RUVBL1: variants seen among roughly 807,000 people sequenced by gnomAD.
RUVBL1 encodes the protein ruvB-like 1.
RUVBL1 carries 4 observed loss-of-function variants against 52.4 expected under a neutral mutation model. The ratio of observed to expected loss-of-function variants is 0.08; its 90% CI spans 0.04 to 0.17. The LOEUF (loss-of-function observed/expected upper bound fraction) is 0.17, where lower values mean the gene tolerates loss of function less well. Ranked by LOEUF, RUVBL1 falls within the 10% of genes least tolerant of loss-of-function variation. RUVBL1 has a pLI of 1.00. For missense variants in RUVBL1, 298 were observed against 572.8 expected (o/e 0.52, Z 4.90); for synonymous variants, 217 against 214.4 (o/e 1.01, Z -0.10).
Position 128,067,555 on chromosome 3 carries a change from C to G in RUVBL1, c.940-2335G>C, listed in dbSNP as rs141554195. ...TTGTATACATAGTGTTCATGCTGGGCTCCTGTGCATTCTTCTCCAAAACGT... is the reference window on the plus strand; with the variant it reads ...TTGTATACATAGTGTTCATGCTGGGGTCCTGTGCATTCTTCTCCAAAACGT... On this transcript the variant is annotated intron_variant, in intron 9 of 9. Coordinates refer to the RUVBL1 transcript ENST00000464873. This position sits in a 1 kb window ranked among gnomAD's most constrained non-coding sequence, Gnocchi z 4.1. The G allele has an allele frequency of 4.2e-5, 67 of 1,613,658 alleles. No homozygotes were observed. The African/African-American group carries it at 8.0e-4, about 19-fold the overall frequency.
chr3:128,119,532 T>C (rs1943597073), intron 1 of RUVBL1, 118 bp from the exon 2 acceptor site: 1 of 729,364 alleles, frequency 1.4e-6, no homozygotes, highest in Non-Finnish European at 2.2e-6. Context: ...TGAGTGCCAG[T>C]GCACTGCAGT....
chr3:128,105,081 T>C (rs1371730843), intron 3 of RUVBL1, among the ~76,000 whole-genome samples, 157 bp from the exon 4 acceptor site: 1 of 151,628 alleles, frequency 6.6e-6, no homozygotes, highest in Non-Finnish European at 1.5e-5. Context: ...AACATATCAA[T>C]GTAAATTAGA....
At chr3:128,087,638 T>G in intron 9 of RUVBL1, 68 bp downstream of exon 9, 4 of 1,297,394 alleles carry the variant, frequency 3.1e-6, no homozygotes, top group Non-Finnish European at 4.4e-6. Context: ...GATACCTTTC[T>G]GCACAGCCAC....
chr3:128,070,646 C>T (rs1364958193), intron 9 of RUVBL1: 2 of 152,276 alleles, frequency 1.3e-5, no homozygotes, highest in Admixed American at 6.5e-5. Context: ...GAGCAGACAC[C>T]ACCGACTTCC....
At chr3:128,068,115 T>G (rs1942040516) in intron 9 of RUVBL1, 2 of 1,409,056 alleles carry the variant, frequency 1.4e-6, no homozygotes, top group Non-Finnish European at 2.0e-6. Flanking sequence ...GTTGTTTCTT[T>G]CCATGCAGGG....
In RUVBL1 at chr3:128,097,285, AG is replaced by A; in HGVS notation, c.1016+14del. On this transcript the variant is annotated intron_variant, in intron 8 of 10. Coordinates refer to ENST00000322623, the MANE Select transcript of RUVBL1 (RefSeq NM_003707.3). ...AAGTTAAAAAAGCCTTGTGGCTGGC[AG>A]GCAGCCATCCTACCTGATGACACAG... The A allele has an allele frequency of 6.2e-7, 1 of 1,611,174 alleles. No individual in the cohort carries two copies. Among genetic ancestry groups the A allele is most frequent in the Non-Finnish European group, 8.5e-7 (1 of 1,178,088 alleles).
chr3:128,130,981 T>C (rs1943869672), intron 1 of RUVBL1, among the ~76,000 whole-genome samples: 1 of 151,932 alleles, frequency 6.6e-6, no homozygotes, highest in Admixed American at 6.6e-5. Context: ...TTGCCAGGCA[T>C]GATTGTGCCC....
chr3:128,151,178 TAC>T (rs1944204875), intron 1 of RUVBL1, among the ~76,000 whole-genome samples: 1 of 133,512 alleles, frequency 7.5e-6, no homozygotes, highest in African/African-American at 2.8e-5. Flanking sequence ...ATACTCTATA[TAC>T]ATTCTATATA....
chr3:128,068,126 C>A, intron 9 of RUVBL1: 1 of 1,246,990 alleles, frequency 8.0e-7, no homozygotes, highest in Non-Finnish European at 1.2e-6. Context: ...CCATGCAGGG[C>A]ATCCTGATAG....
At chr3:128,071,528 C>A (rs1027962644) in intron 9 of RUVBL1, 1 of 152,676 alleles carries the variant, frequency 6.5e-6, no homozygotes, top group East Asian at 1.9e-4. Flanking sequence ...ATCGGCTGGG[C>A]CCTGCAAGGC....
chr3:128,124,325 C>T (rs1246692153), upstream of RUVBL1, among the ~76,000 whole-genome samples: 2 of 151,948 alleles, frequency 1.3e-5, no homozygotes, highest in African/African-American at 2.4e-5. Flanking sequence ...GATAAGGTTC[C>T]TGCTGAGTTC....
upstream of RUVBL1, among the ~76,000 whole-genome samples, chr3:128,126,453 C>T (rs1019450716): frequency 1.3e-5 from 2 of 151,346 alleles, no homozygotes; most frequent in Non-Finnish European, 2.9e-5. Flanking sequence ...GGCTGAGGCA[C>T]GAGAATCGCT....
chr3:128,136,815 A>C (rs1943954785), intron 1 of RUVBL1, among the ~76,000 whole-genome samples: 1 of 152,168 alleles, frequency 6.6e-6, no homozygotes, highest in Non-Finnish European at 1.5e-5. Context: ...GAGACAAAGA[A>C]GATCATTATA....
At chr3:128,099,031 A>C in intron 6 of RUVBL1, 86 bp from the exon 7 acceptor site, 3 of 1,128,770 alleles carry the variant, frequency 2.7e-6, no homozygotes, top group Non-Finnish European at 4.0e-6. Context: ...CATCAACTCA[A>C]CATGGGATCC....
At chr3:128,098,822 T>A (rs1943049399) in intron 7 of RUVBL1, 60 bp downstream of exon 7, 1 of 1,412,214 alleles carries the variant, frequency 7.1e-7, no homozygotes, top group East Asian at 2.3e-5. Context: ...CGCAAGAGCA[T>A]CTCAGAATGT....
chr3:128,134,274 C>G (rs1484934268), intron 1 of RUVBL1, among the ~76,000 whole-genome samples: 1 of 145,382 alleles, frequency 6.9e-6, no homozygotes, highest in Non-Finnish European at 1.5e-5. Context: ...ACCAGCCTGG[C>G]CAACAAAGTG....
intron 8 of RUVBL1, among the ~76,000 whole-genome samples, chr3:128,088,121 G>C (rs757453384): frequency 6.6e-6 from 1 of 151,976 alleles, no homozygotes; most frequent in Non-Finnish European, 1.5e-5. Flanking sequence ...AATTAGCTGG[G>C]CATGGTGGTG....
upstream of RUVBL1, among the ~76,000 whole-genome samples, chr3:128,124,062 C>T (rs1013153179): frequency 2.0e-5 from 3 of 152,150 alleles, no homozygotes; most frequent in African/African-American, 4.8e-5. Flanking sequence ...GCAGTGGCCC[C>T]CGGGTACCAC....
At chr3:128,103,268 C>G (rs760606396) in intron 4 of RUVBL1, among the ~76,000 whole-genome samples, 1 of 152,120 alleles carries the variant, frequency 6.6e-6, no homozygotes, top group Non-Finnish European at 1.5e-5. Context: ...TTTTTTGCCT[C>G]AAGCATTTTT....
Sources: allele counts gnomAD v4.1 joint callset (sites outside exome capture counted in the v4.1 genomes callset), GRCh38; gene constraint gnomAD v4.1.1; non-coding constraint Gnocchi (gnomAD v3.1); transcripts MANE v1.5; gene names NCBI Gene and HGNC (gene_info 2026-07-23, HGNC 2026-07-21).